Variants in CELA1 observed in about 807,000 individuals in gnomAD.
The protein encoded by CELA1 is chymotrypsin like elastase 1.
Under a neutral mutation model 34.8 loss-of-function variants are expected in CELA1, and 28 were observed. The ratio of observed to expected loss-of-function variants is 0.80; its 90% CI spans 0.60 to 1.10. The LOEUF is 1.10. Ranked by LOEUF, CELA1 falls within the 50% of genes least tolerant of loss-of-function variation. CELA1 has a pLI of 0.00. For missense variants in CELA1, 288 were observed against 327.5 expected (o/e 0.88, Z 0.93); for synonymous variants, 140 against 129.8 (o/e 1.08, Z -0.53).
At chr12:51,336,098 T>C (rs1946498457) in intron 6 of CELA1, among the ~76,000 whole-genome samples, 1 of 152,232 alleles carries the variant, frequency 6.6e-6, no homozygotes, top group Non-Finnish European at 1.5e-5. Context: ...ATGTGATATC[T>C]GTAAGTACTT....
At chr12:51,337,667 A>G (rs1327039505) in intron 6 of CELA1, among the ~76,000 whole-genome samples, 1 of 149,734 alleles carries the variant, frequency 6.7e-6, no homozygotes, top group Non-Finnish European at 1.5e-5. Flanking sequence ...ATGACATATT[A>G]TTATTCTGAT....
rs775808139 is a variant in CELA1 at position 51,328,564 on chromosome 12, CT to C, written c.*12del. 1 of 1,614,124 alleles carries C rather than the reference CT, an allele frequency of 6.2e-7. No homozygotes were observed. The highest frequency in any genetic ancestry group is 1.7e-5 in the Admixed American group (1 of 60,018). ...GAACCATTTTGGGAAGGTCGTTGGA[CT>C]CAGGAAAATGTTCAGTTGGAGGCGA... On this transcript the variant is annotated 3_prime_UTR_variant, in exon 8 of 8. Transcript: ENST00000293636.
rs1245137322 is a variant in CELA1, at chr12:51,328,508, T to G, written c.*69A>C. On this transcript the variant is annotated 3_prime_UTR_variant, in exon 8 of 8. Transcript: ENST00000293636. The stretch of plus-strand genomic sequence containing the variant: ...AATAGTCTTTCAGAATGTGTTTTAC[T>G]TTTTGATCGCAAGTCCTACTGCAGA... The G allele has an allele frequency of 6.6e-7, 1 of 1,519,694 alleles. No homozygotes were observed. Among genetic ancestry groups the G allele is most frequent in the East Asian group, 2.3e-5 (1 of 44,420 alleles). The allele number at this position is 1,519,694 out of a possible 1,614,324, so 94.1% of individuals were successfully genotyped here. A position where few individuals can be genotyped will look rare whatever the true frequency, so the allele number is the denominator to read the frequency against.
In CELA1 at chr12:51,334,697, G is replaced by A. The variant is rs186368240; in HGVS notation, c.610-4864C>T. ...GATCCGCCTGCCTTGGCCTCCCAAA[G>A]TGCTGGGATTACAGGCATGAGCCAC... On this transcript the variant is annotated intron_variant, in intron 6 of 7. Coordinates refer to ENST00000293636, the MANE Select transcript of CELA1 (RefSeq NM_001971.6). 3.6e-4 allele frequency among the ~76,000 whole-genome samples: 55 copies of A among 152,338 alleles called. 3 individuals carry two copies. In the East Asian group the frequency reaches 0.01, roughly 28 times the overall value.
At chr12:51,329,466 A>G (rs895747013) in intron 7 of CELA1, among the ~76,000 whole-genome samples, 1 of 152,056 alleles carries the variant, frequency 6.6e-6, no homozygotes, top group Non-Finnish European at 1.5e-5. Context: ...TAAACAATAC[A>G]GTGAAGTCTG....
intron 6 of CELA1, among the ~76,000 whole-genome samples, chr12:51,334,680 T>C (rs17860337): frequency 0.044 from 6,688 of 152,216 alleles, 403 homozygotes; most frequent in East Asian, 0.14. Flanking sequence ...GTGATCCGCC[T>C]GCCTTGGCCT....
intron 5 of CELA1, among the ~76,000 whole-genome samples, chr12:51,340,388 C>CTTTTT (rs11315182): frequency 2.7e-4 from 33 of 121,524 alleles, no homozygotes; most frequent in Non-Finnish European, 4.3e-4. Flanking sequence ...TTCTTTCTTT[C>CTTTTT]TTTTTTTTTT....
chr12:51,340,067 A>T, intron 5 of CELA1, 62 bp from the exon 6 acceptor site: 1 of 1,434,580 alleles, frequency 7.0e-7, no homozygotes, highest in South Asian at 1.4e-5. Flanking sequence ...AAAACCTTCC[A>T]CCCCTGCCAC....
intron 3 of CELA1, among the ~76,000 whole-genome samples, chr12:51,343,269 G>A (rs1299752540): frequency 6.6e-6 from 1 of 152,142 alleles, no homozygotes; most frequent in African/African-American, 2.4e-5. Context: ...AAACTTGTTA[G>A]AAATGCAAAT....
At chr12:51,342,788 T>TGATGGAGTCTA in intron 3 of CELA1, 88 bp from the exon 4 acceptor site, 1 of 1,413,542 alleles carries the variant, frequency 7.1e-7, no homozygotes. Context: ...ACCATCTTTT[T>TGATGGAGTCTA]TTTTAATCAT....
intron 4 of CELA1, among the ~76,000 whole-genome samples, chr12:51,342,180 C>T (rs769507780): frequency 1.3e-5 from 2 of 151,838 alleles, no homozygotes; most frequent in Non-Finnish European, 2.9e-5. Flanking sequence ...GCACATGCCA[C>T]CATGCCTGGC....
intron 6 of CELA1, among the ~76,000 whole-genome samples, chr12:51,337,132 A>G (rs986434980): frequency 1.3e-5 from 2 of 152,134 alleles, no homozygotes; most frequent in Non-Finnish European, 2.9e-5. Context: ...GGTAGCTTCT[A>G]TTCTAGCCCA....
chr12:51,332,646 C>T (rs939924381), intron 6 of CELA1, among the ~76,000 whole-genome samples: 3 of 152,116 alleles, frequency 2.0e-5, no homozygotes, highest in South Asian at 2.1e-4. Flanking sequence ...GGGTGGATCA[C>T]GTGACGCCAG....
chr12:51,328,470 C>G lies in CELA1; in HGVS notation c.*107G>C. 2.5e-6 allele frequency: 3 copies of G among 1,190,000 alleles called. No homozygotes were observed. The highest frequency in any genetic ancestry group is 2.3e-5 in the East Asian group (1 of 42,608). 73.7% of individuals were successfully genotyped at this position (1,190,000 alleles called of 1,614,324 possible). A position where few individuals can be genotyped will look rare whatever the true frequency, so the allele number is the denominator to read the frequency against. On this transcript the variant is annotated 3_prime_UTR_variant, in exon 8 of 8. Transcript: ENST00000293636. Reference sequence around the variant, plus strand: ...TGTATATCTAGTTTTATTTGCTTTTCTATCAATGGCTCAATAGTCTTTCAG... The same window carrying G: ...TGTATATCTAGTTTTATTTGCTTTTGTATCAATGGCTCAATAGTCTTTCAG...
intron 6 of CELA1, among the ~76,000 whole-genome samples, chr12:51,331,890 A>C (rs1449990074): frequency 1.3e-5 from 2 of 152,186 alleles, no homozygotes; most frequent in Non-Finnish European, 2.9e-5. Context: ...AAAGTTGTGC[A>C]GCAAGGGCTG....
chr12:51,332,762 G>A (rs1283725688), intron 6 of CELA1, among the ~76,000 whole-genome samples: 2 of 152,098 alleles, frequency 1.3e-5, no homozygotes, highest in Admixed American at 1.3e-4. Context: ...CAGCTACTGA[G>A]GAGGCTGAGG....
At chr12:51,343,552 G>A (rs749142174) in intron 3 of CELA1, among the ~76,000 whole-genome samples, 1 of 152,210 alleles carries the variant, frequency 6.6e-6, no homozygotes, top group Non-Finnish European at 1.5e-5. Context: ...GAATTTGGTG[G>A]AGCAAGATTT....
At position 51,341,235 on chromosome 12, in the gene CELA1, G is replaced by C. The variant is rs747666171; in HGVS notation, c.463+9C>G. 6.2e-7 allele frequency: 1 copy of C among 1,613,916 alleles called. No homozygotes were observed. Among genetic ancestry groups the C allele is most frequent in the South Asian group, 1.1e-5 (1 of 91,084 alleles). On this transcript the variant is annotated intron_variant, in intron 5 of 7. Coordinates refer to ENST00000293636, the MANE Select transcript of CELA1 (RefSeq NM_001971.6). Reference sequence around the variant, plus strand: ...CCCGTGGTGGATTGTGCCAATGTAGGCAACTTACTCTTGGTCTTGCCCCAG... The same window carrying C: ...CCCGTGGTGGATTGTGCCAATGTAGCCAACTTACTCTTGGTCTTGCCCCAG...
chr12:51,342,193 A>ATT (rs145657923), intron 4 of CELA1, among the ~76,000 whole-genome samples: 3 of 146,890 alleles, frequency 2.0e-5, no homozygotes, highest in African/African-American at 7.5e-5. Flanking sequence ...TGCCTGGCTA[A>ATT]TTTTTTTTTT....
Sources: allele counts gnomAD v4.1 joint callset (sites outside exome capture counted in the v4.1 genomes callset), GRCh38; gene constraint gnomAD v4.1.1; transcripts MANE v1.5; gene names NCBI Gene and HGNC (gene_info 2026-07-23, HGNC 2026-07-21).